Variants in CUL1 observed in about 807,000 individuals in gnomAD.
The protein encoded by CUL1 is cullin-1.
Under a neutral mutation model 118.0 loss-of-function variants are expected in CUL1, and 24 were observed. The observed-to-expected ratio is 0.20, with a 90% CI of 0.15 to 0.29. The LOEUF (loss-of-function observed/expected upper bound fraction) is 0.29. Among genes scored for constraint, CUL1 ranks in the 10% least tolerant of loss-of-function variants. The probability of loss-of-function intolerance (pLI) is 1.00; values close to 1 mark genes in which losing one functional copy is unlikely to be tolerated. For missense variants in CUL1, 361 were observed against 933.8 expected (o/e 0.39, Z 7.99); for synonymous variants, 332 against 340.4 (o/e 0.98, Z 0.27).
intron 9 of CUL1, among the ~76,000 whole-genome samples, chr7:148,767,958 C>T (rs1037833318): frequency 3.9e-5 from 6 of 152,100 alleles, no homozygotes; most frequent in Non-Finnish European, 1.5e-5. Flanking sequence ...ACTTTTTAGG[C>T]GTTAATAATG....
intron 2 of CUL1, among the ~76,000 whole-genome samples, chr7:148,750,363 A>G (rs1799448046): frequency 6.6e-6 from 1 of 150,996 alleles, no homozygotes; most frequent in African/African-American, 2.4e-5. Flanking sequence ...GGTTTGTTAC[A>G]TAGGTATACA....
At chr7:148,703,601 C>T (rs768175209) in intron 1 of CUL1, among the ~76,000 whole-genome samples, 4 of 151,872 alleles carry the variant, frequency 2.6e-5, no homozygotes, top group East Asian at 1.9e-4. Flanking sequence ...GGCGTGATCT[C>T]GGCTCACTGC....
At chr7:148,797,211 G>T (rs1486250056) in intron 17 of CUL1, among the ~76,000 whole-genome samples, 1 of 152,146 alleles carries the variant, frequency 6.6e-6, no homozygotes, top group Non-Finnish European at 1.5e-5. Flanking sequence ...TTGCTGGGCA[G>T]CTCTTTAATA....
intron 9 of CUL1, among the ~76,000 whole-genome samples, chr7:148,771,127 T>G (rs1428101449): frequency 2.0e-5 from 3 of 152,218 alleles, no homozygotes; most frequent in Non-Finnish European, 2.9e-5. Flanking sequence ...TCCCGTGTCT[T>G]TCTCTGGACT....
At chr7:148,757,179 ATTTGTT>A (rs748860151) in intron 4 of CUL1, 29 bp downstream of exon 4, 12 of 1,389,062 alleles carry the variant, frequency 8.6e-6, no homozygotes, top group East Asian at 8.1e-5. Flanking sequence ...AACGTTTTAA[ATTTGTT>A]TTTGTTTTTG....
intron 20 of CUL1, 105 bp downstream of exon 20, chr7:148,798,782 C>A: frequency 1.1e-6 from 1 of 885,046 alleles, no homozygotes; most frequent in Non-Finnish European, 1.9e-6. Context: ...GAGTGATTGC[C>A]AGATGAATGG....
At chr7:148,730,956 C>T (rs1296927794) in intron 2 of CUL1, among the ~76,000 whole-genome samples, 3 of 152,308 alleles carry the variant, frequency 2.0e-5, no homozygotes, top group East Asian at 3.9e-4. Context: ...GGACCACAGA[C>T]ACGTGCCACC....
At chr7:148,772,818 A>G (rs1800259545) in intron 9 of CUL1, among the ~76,000 whole-genome samples, 1 of 152,060 alleles carries the variant, frequency 6.6e-6, no homozygotes, top group Non-Finnish European at 1.5e-5. Context: ...CTAATAGGGT[A>G]TAATTTCCTG....
At chr7:148,742,144 G>A (rs1799161716) in intron 2 of CUL1, among the ~76,000 whole-genome samples, 1 of 152,182 alleles carries the variant, frequency 6.6e-6, no homozygotes, top group Non-Finnish European at 1.5e-5. Flanking sequence ...GAAGCCAACT[G>A]GGATTCTGAT....
At chr7:148,706,968 C>CTTTAA in intron 1 of CUL1, among the ~76,000 whole-genome samples, 1 of 151,972 alleles carries the variant, frequency 6.6e-6, no homozygotes, top group African/African-American at 2.4e-5. Flanking sequence ...ATTGAAGGGC[C>CTTTAA]TTTAAAATCT....
At position 148,766,580 on chromosome 7, in the gene CUL1, A is replaced by C; in HGVS notation, c.809A>C (p.Glu270Ala). 1.2e-6 allele frequency: 2 copies of C among 1,609,368 alleles called. No individual in the cohort carries two copies. Among genetic ancestry groups the C allele is most frequent in the Non-Finnish European group, 1.7e-6 (2 of 1,178,580 alleles). The change falls in exon 8 of 22, where the codon GAG (glutamate) becomes GCG (alanine). Residue 270 changes from glutamate (E) to alanine (A), a missense_variant. By Grantham distance (107) the Glu-to-Ala change is moderately radical. Coordinates refer to ENST00000325222, the MANE Select transcript of CUL1 (RefSeq NM_003592.3). ...CTCCAGGCAGAGGCTCGTCTGCTTGAGGAACAACGAAGAGTTCAGGTTTAC... is the reference window on the plus strand; with the variant it reads ...CTCCAGGCAGAGGCTCGTCTGCTTGCGGAACAACGAAGAGTTCAGGTTTAC... ...YMKKAEARLL[E>A]EQRRVQVYLH...
chr7:148,768,587 G>A (rs759645682), intron 9 of CUL1, among the ~76,000 whole-genome samples: 9 of 151,906 alleles, frequency 5.9e-5, no homozygotes, highest in Non-Finnish European at 8.8e-5. Flanking sequence ...GTTTCGCTGT[G>A]TTGGCCAGGC....
At chr7:148,763,773 A>G (rs74663543) in intron 7 of CUL1, among the ~76,000 whole-genome samples, 1,904 of 152,348 alleles carry the variant, frequency 0.012, 18 homozygotes, top group Non-Finnish European at 0.019. Context: ...ATCTTACTCA[A>G]TAACTTAGGG....
chr7:148,774,485 T>C (rs1052301425), intron 9 of CUL1, among the ~76,000 whole-genome samples: 4 of 152,262 alleles, frequency 2.6e-5, no homozygotes, highest in Non-Finnish European at 5.9e-5. Context: ...TTCCTGTTAA[T>C]TCTTGACTAT....
At chr7:148,743,687 G>A (rs867562508) in intron 2 of CUL1, among the ~76,000 whole-genome samples, 8 of 148,804 alleles carry the variant, frequency 5.4e-5, no homozygotes, top group South Asian at 2.1e-4. Flanking sequence ...GCAGATCGCC[G>A]GAGGCCAAGG....
At chr7:148,725,246 C>CACACAA (rs1349906501) in intron 1 of CUL1, among the ~76,000 whole-genome samples, 5 of 151,944 alleles carry the variant, frequency 3.3e-5, no homozygotes, top group African/African-American at 1.2e-4. Context: ...CACACACACA[C>CACACAA]ACCCGTACCC....
chr7:148,760,520 AG>A, intron 7 of CUL1, 24 bp downstream of exon 7: 1 of 1,539,540 alleles, frequency 6.5e-7, no homozygotes. Context: ...TAGTACTTTA[AG>A]TAGACTTAAG....
At chr7:148,736,218 C>T (rs1477297872) in intron 2 of CUL1, among the ~76,000 whole-genome samples, 1 of 152,100 alleles carries the variant, frequency 6.6e-6, no homozygotes, top group Non-Finnish European at 1.5e-5. Flanking sequence ...ACTATTACAG[C>T]CAGTGTTGGC....
chr7:148,761,768 C>T (rs1445565851), intron 7 of CUL1, among the ~76,000 whole-genome samples: 2 of 152,180 alleles, frequency 1.3e-5, no homozygotes, highest in Non-Finnish European at 2.9e-5. Context: ...AGAATTTGGC[C>T]TACAGGCTAC....
Sources: gnomAD v4.1 joint callset for allele counts (sites outside exome capture counted in the v4.1 genomes callset) on GRCh38, gnomAD v4.1.1 for gene constraint, MANE v1.5 for transcripts, NCBI Gene and HGNC (gene_info 2026-07-23, HGNC 2026-07-21) for gene names.